Variants in IPMK observed in about 807,000 individuals in gnomAD.
IPMK encodes inositol 1,3,4,6-tetrakisphosphate 5-kinase.
Under a neutral mutation model 45.8 loss-of-function variants are expected in IPMK, and 17 were observed. The ratio of observed to expected loss-of-function variants is 0.37; its 90% CI spans 0.25 to 0.56. IPMK has a LOEUF of 0.56. Among genes scored for constraint, IPMK ranks in the 20% least tolerant of loss-of-function variants. The probability of loss-of-function intolerance (pLI) is 0.79; values close to 1 mark genes in which losing one functional copy is unlikely to be tolerated. For missense variants in IPMK, 399 were observed against 498.0 expected, an observed-to-expected ratio of 0.80 and a Z score of 1.89; for synonymous variants, 180 against 184.3, an observed-to-expected ratio of 0.98 and a Z score of 0.19.
chr10:58,240,437 G>A (rs1838679706), intron 1 of IPMK, among the ~76,000 whole-genome samples: 1 of 151,882 alleles, frequency 6.6e-6, no homozygotes, highest in Non-Finnish European at 1.5e-5. Flanking sequence ...TTTAACAAAT[G>A]TGTAGTTGGG....
chr10:58,195,882 T>C lies in IPMK; in HGVS notation c.*194A>G, dbSNP rs1837884402. The C allele has an allele frequency of 1.8e-6, 1 of 557,372 alleles. No individual in the cohort carries two copies. The highest frequency in any genetic ancestry group is 2.7e-5 in the South Asian group (1 of 36,458). 34.5% of individuals were successfully genotyped at this position (557,372 alleles called of 1,614,324 possible). On this transcript the variant is annotated 3_prime_UTR_variant, in exon 6 of 6. Coordinates refer to ENST00000373935, the MANE Select transcript of IPMK (RefSeq NM_152230.5). ...CATTCCTAAGTTTCTTTATTCTTCA[T>C]AGTTTTCTAATGAACAAATAGTTAG...
intron 1 of IPMK, among the ~76,000 whole-genome samples, chr10:58,241,247 A>T (rs983762044): frequency 2.6e-5 from 4 of 152,204 alleles, no homozygotes; most frequent in African/African-American, 7.2e-5. Context: ...AAAACTTAGG[A>T]TCACAGAGCC....
chr10:58,231,787 A>G (rs1838526158), intron 2 of IPMK, among the ~76,000 whole-genome samples: 2 of 152,220 alleles, frequency 1.3e-5, no homozygotes. Flanking sequence ...CAAAATAACC[A>G]GCGAACATCA....
At chr10:58,266,018 C>T (rs976625979) in intron 1 of IPMK, among the ~76,000 whole-genome samples, 1 of 152,192 alleles carries the variant, frequency 6.6e-6, no homozygotes, top group African/African-American at 2.4e-5. Context: ...AGGCATTCCT[C>T]TATTAACAGA....
rs1478759215 is a variant in IPMK, at chr10:58,235,251, AGT to A, written c.276+2476_276+2477del. On this transcript the variant is annotated intron_variant, in intron 2 of 5. Transcript: ENST00000373935. The stretch of plus-strand genomic sequence containing the variant: ...AAATTAGTTCAACCATGTGGAAGAC[AGT>A]GTGGCGATTCCTCAAGGATCTAGAA... Among the ~76,000 whole-genome samples the A allele has an allele frequency of 3.3e-4, 50 of 152,364 alleles. No individual in the cohort carries two copies. In the East Asian group the frequency reaches 8.9e-3, roughly 27 times the overall value.
intron 3 of IPMK, among the ~76,000 whole-genome samples, chr10:58,217,518 G>A (rs1407760953): frequency 6.6e-6 from 1 of 151,162 alleles, no homozygotes; most frequent in Non-Finnish European, 1.5e-5. Flanking sequence ...GAGAAACCCC[G>A]TCTCTACTAA....
chr10:58,252,192 T>C (rs1838890376), intron 1 of IPMK, among the ~76,000 whole-genome samples: 1 of 152,242 alleles, frequency 6.6e-6, no homozygotes, highest in Non-Finnish European at 1.5e-5. Flanking sequence ...AAACATCTTG[T>C]AGTTACAACA....
At chr10:58,218,222 C>T (rs540825794) in intron 3 of IPMK, among the ~76,000 whole-genome samples, 3 of 152,266 alleles carry the variant, frequency 2.0e-5, no homozygotes, top group African/African-American at 7.2e-5. Context: ...CCCAGACAGA[C>T]AATTTCAGGA....
intron 4 of IPMK, among the ~76,000 whole-genome samples, chr10:58,209,190 T>C (rs1838119833): frequency 6.6e-6 from 1 of 152,196 alleles, no homozygotes. Flanking sequence ...TGGCTTTCTA[T>C]AGGTGCCTCC....
Position 58,246,545 on chromosome 10 carries a change from C to A in IPMK, c.191-8731G>T, listed in dbSNP as rs190402617. 3.0e-3 allele frequency among the ~76,000 whole-genome samples: 410 copies of A among 134,948 alleles called. 24 individuals are homozygous for A. The highest frequency in any genetic ancestry group is 0.013 in the African/African-American group (378 of 29,614). The allele number at this position is 134,948 out of a possible 152,430, so 88.5% of individuals were successfully genotyped here. On this transcript the variant is annotated intron_variant, in intron 1 of 5. Coordinates refer to ENST00000373935, the MANE Select transcript of IPMK (RefSeq NM_152230.5). The stretch of plus-strand genomic sequence containing the variant: ...CTTTGACAAACCTGATAAAAACAAG[C>A]AATGGGGAAAGGATTCCCTATTGAA...
intron 1 of IPMK, among the ~76,000 whole-genome samples, chr10:58,256,270 A>G (rs921372426): frequency 2.0e-5 from 3 of 152,152 alleles, no homozygotes; most frequent in African/African-American, 7.2e-5. Context: ...ACCCCTGGGA[A>G]AGGAATGCAT....
intron 1 of IPMK, among the ~76,000 whole-genome samples, chr10:58,264,807 A>AT (rs1839125226): frequency 6.6e-6 from 1 of 152,226 alleles, no homozygotes; most frequent in Non-Finnish European, 1.5e-5. Flanking sequence ...AAATATAGGT[A>AT]TAATACATGA....
rs1837829437 is a variant in IPMK at position 58,192,292 on chromosome 10, A to T, written c.*3784T>A. On this transcript the variant is annotated 3_prime_UTR_variant, in exon 6 of 6. Transcript: ENST00000373935. ...TACTAAATTGTAAAATACAGTAAAG[A>T]AGATGCAGCTCATTTGCTTGGGAAT... The T allele has an allele frequency of 6.6e-6, 1 of 152,032 alleles. No individual in the cohort carries two copies. The highest frequency in any genetic ancestry group is 1.5e-5 in the Non-Finnish European group (1 of 67,906). The allele number at this position is 152,032 out of a possible 1,614,324, so 9.4% of individuals were successfully genotyped here.
At chr10:58,204,672 G>C (rs1838046900) in intron 4 of IPMK, among the ~76,000 whole-genome samples, 1 of 152,108 alleles carries the variant, frequency 6.6e-6, no homozygotes, top group Non-Finnish European at 1.5e-5. Context: ...GTGTACACTT[G>C]TAGTGTCAAT....
chr10:58,211,634 C>T (rs995961509), intron 4 of IPMK, among the ~76,000 whole-genome samples: 2 of 151,834 alleles, frequency 1.3e-5, no homozygotes, highest in Admixed American at 6.6e-5. Flanking sequence ...CCCAGGATCA[C>T]TTGAGCCCAG....
intron 1 of IPMK, among the ~76,000 whole-genome samples, chr10:58,245,363 C>T (rs1838781106): frequency 1.3e-5 from 2 of 152,026 alleles, no homozygotes; most frequent in Admixed American, 1.3e-4. Flanking sequence ...CCTATAATCC[C>T]AGTACTCTGG....
chr10:58,247,228 A>C (rs966006753), intron 1 of IPMK, among the ~76,000 whole-genome samples: 9 of 149,288 alleles, frequency 6.0e-5, no homozygotes, highest in Admixed American at 4.6e-4. Flanking sequence ...TAGTTCAACC[A>C]TTGTGGAAGT....
intron 1 of IPMK, 93 bp from the exon 2 acceptor site, chr10:58,237,907 A>G: frequency 1.1e-6 from 1 of 872,450 alleles, no homozygotes; most frequent in Non-Finnish European, 1.9e-6. Flanking sequence ...CAGGTAAACT[A>G]CTTCCATTAA....
rs1838007482 is a variant in IPMK at position 58,202,171 on chromosome 10, T to C, written c.547-2850A>G. Among the ~76,000 whole-genome samples the C allele has an allele frequency of 2.0e-5, 3 of 152,202 alleles. No homozygotes were observed. In the South Asian group the frequency reaches 6.2e-4, roughly 31 times the overall value. ...TTATCCAGAAGATAACTGATGAAGGTATCTACCCCAAACCACAGATTCTCA... is the reference window on the plus strand; with the variant it reads ...TTATCCAGAAGATAACTGATGAAGGCATCTACCCCAAACCACAGATTCTCA... On this transcript the variant is annotated intron_variant, in intron 4 of 5. Transcript: ENST00000373935.
Sources: allele counts gnomAD v4.1 joint callset (sites outside exome capture counted in the v4.1 genomes callset), GRCh38; gene constraint gnomAD v4.1.1; transcripts MANE v1.5; gene names NCBI Gene and HGNC (gene_info 2026-07-23, HGNC 2026-07-21).